Variants in RTN3 observed in about 807,000 individuals in gnomAD.
RTN3 encodes the protein reticulon-3.
In RTN3, 49 loss-of-function variants were observed where a neutral mutation model predicts 77.8. That is an observed-to-expected ratio of 0.63 (90% CI 0.50 to 0.80). The LOEUF (loss-of-function observed/expected upper bound fraction) is 0.80. RTN3 is among the 30% of genes least tolerant of loss of function. The pLI is 0.00. For missense variants in RTN3, 1,236 were observed against 1,211.9 expected (o/e 1.02, Z -0.29); for synonymous variants, 464 against 446.9 (o/e 1.04, Z -0.48).
At chr11:63,728,896 AAAAAAAG>A (rs1203276442) in intron 3 of RTN3, among the ~76,000 whole-genome samples, 6 of 148,344 alleles carry the variant, frequency 4.0e-5, no homozygotes, top group Non-Finnish European at 6.0e-5. Flanking sequence ...CAAAAAAAAA[AAAAAAAG>A]AAAAAAGAAA....
rs2011617456 is a variant in RTN3, at chr11:63,719,706, A to G, written c.1204A>G (p.Thr402Ala). Residue 402 changes from threonine (T) to alanine (A), a missense_variant, in exon 3 of 9, where the codon ACA (threonine) becomes GCA (alanine). Around this residue, in one of 3 missense-constraint regions of RTN3, gnomAD observed 1,056 missense variants for 990.4 expected, o/e 1.07. Coordinates refer to ENST00000377819, the MANE Select transcript of RTN3 (RefSeq NM_001265589.2). ...TGGGAGCACTCCCATCACTAAATCA[A>G]CAGGTGATTGGGCAGAAGCATCTCT... ...IDGSTPITKS[T>A]GDWAEASLQQ... 5 of 1,614,032 alleles carry G rather than the reference A, an allele frequency of 3.1e-6. No individual in the cohort carries two copies. Among genetic ancestry groups the G allele is most frequent in the East Asian group, 2.2e-5 (1 of 44,898 alleles).
Position 63,718,698 on chromosome 11 carries a change from A to G in RTN3, c.200-4A>G. The G allele has an allele frequency of 1.8e-5, 28 of 1,556,908 alleles. No individual in the cohort carries two copies. The highest frequency in any genetic ancestry group is 2.3e-5 in the Non-Finnish European group (27 of 1,157,446). On this transcript the variant is annotated splice_region_variant and splice_polypyrimidine_tract_variant and intron_variant, in intron 2 of 8. Coordinates refer to ENST00000377819, the MANE Select transcript of RTN3 (RefSeq NM_001265589.2). ...AATTTTTTTCTTTGAAATTCTGATC[A>G]TAGAGGGATTGAGCTCTCTTTGCTC...
chr11:63,715,745 T>A (rs1027927740), intron 2 of RTN3, among the ~76,000 whole-genome samples: 1 of 152,202 alleles, frequency 6.6e-6, no homozygotes, highest in Admixed American at 6.5e-5. Context: ...TCAGAGTTGT[T>A]TGAAGAGAGA....
At chr11:63,743,947 T>G (rs1270949848) in intron 3 of RTN3, among the ~76,000 whole-genome samples, 1 of 149,830 alleles carries the variant, frequency 6.7e-6, no homozygotes, top group Non-Finnish European at 1.5e-5. Context: ...TGAAGGAAGA[T>G]AAAGGTGGGA....
At chr11:63,682,090 G>A (rs1201202081) in intron 1 of RTN3, among the ~76,000 whole-genome samples, 1 of 152,250 alleles carries the variant, frequency 6.6e-6, no homozygotes, top group East Asian at 1.9e-4. Flanking sequence ...GTTGCTCGAT[G>A]CATATGGTGA....
intron 1 of RTN3, among the ~76,000 whole-genome samples, chr11:63,686,525 ATTG>A (rs937928977): frequency 4.7e-5 from 7 of 148,188 alleles, no homozygotes; most frequent in Non-Finnish European, 1.0e-4. Context: ...ACTGCTTTTT[ATTG>A]TTGTTATGAA....
intron 1 of RTN3, among the ~76,000 whole-genome samples, chr11:63,687,607 C>CT (rs770089372): frequency 1.4e-5 from 2 of 145,388 alleles, no homozygotes; most frequent in Non-Finnish European, 3.0e-5. Flanking sequence ...GAGACTCCAT[C>CT]TAAAAAAAAA....
Position 63,718,721 on chromosome 11 carries a change from C to T in RTN3, c.219C>T (p.Cys73=), listed in dbSNP as rs2134819240. Residue 73 remains cysteine (C), a synonymous_variant, in exon 3 of 9, where the codon TGC becomes TGT. Coordinates refer to ENST00000377819, the MANE Select transcript of RTN3 (RefSeq NM_001265589.2). ...STSQEGLSSL[C]SDEPSSEIMT... ...TCATAGAGGGATTGAGCTCTCTTTGCTCTGATGAGCCATCTTCAGAAATTA... is the reference window on the plus strand; with the variant it reads ...TCATAGAGGGATTGAGCTCTCTTTGTTCTGATGAGCCATCTTCAGAAATTA... The T allele has an allele frequency of 1.3e-6, 2 of 1,589,802 alleles. No homozygotes were observed. Among genetic ancestry groups the T allele is most frequent in the Non-Finnish European group, 1.7e-6 (2 of 1,172,462 alleles).
At chr11:63,698,364 C>T (rs2134690202) in intron 1 of RTN3, among the ~76,000 whole-genome samples, 1 of 152,030 alleles carries the variant, frequency 6.6e-6, no homozygotes, top group South Asian at 2.1e-4. Flanking sequence ...GAGGTCAAGC[C>T]ATCCACCTGC....
rs1398807772 is a variant in RTN3, at chr11:63,720,896, G to C, written c.2394G>C (p.Lys798Asn). The C allele has an allele frequency of 6.2e-7, 1 of 1,614,088 alleles. No individual in the cohort carries two copies. The change falls in exon 3 of 9, where the codon AAG (lysine) becomes AAC (asparagine). Residue 798 changes from lysine (K) to asparagine (N), a missense_variant. By Grantham distance (94) the Lys-to-Asn change is moderately conservative (BLOSUM62 0). This residue lies in a region of RTN3 where 1,056 missense variants were observed against 990.4 expected (regional missense o/e 1.07). Coordinates refer to ENST00000377819, the MANE Select transcript of RTN3 (RefSeq NM_001265589.2). ...ATGACATCCTAGAACGTAATGTCAA[G>C]AATGGATCTGATCTTGGGATTTCCC... ...RSYDILERNV[K>N]NGSDLGISQK...
intron 1 of RTN3, among the ~76,000 whole-genome samples, chr11:63,683,949 T>C (rs1233125750): frequency 8.4e-6 from 1 of 118,468 alleles, no homozygotes; most frequent in East Asian, 2.2e-4. Context: ...CTTTCTTTTT[T>C]TTTTTTTTTT....
chr11:63,716,685 G>T (rs2011415196), intron 2 of RTN3, among the ~76,000 whole-genome samples: 1 of 152,196 alleles, frequency 6.6e-6, no homozygotes, highest in Admixed American at 6.5e-5. Flanking sequence ...TAAAAATCAG[G>T]CCAGGCGCGG....
chr11:63,725,745 C>CGGTGG (rs2012215591), intron 3 of RTN3, among the ~76,000 whole-genome samples: 1 of 152,232 alleles, frequency 6.6e-6, no homozygotes. Flanking sequence ...AGCCACCGCG[C>CGGTGG]CCGGCCTTAA....
At chr11:63,697,314 A>T (rs530699055) in intron 1 of RTN3, among the ~76,000 whole-genome samples, 2,356 of 144,254 alleles carry the variant, frequency 0.016, 28 homozygotes, top group Admixed American at 0.03. Context: ...TTTTATTTTT[A>T]TTTTTTTTTG....
chr11:63,720,878 C>A lies in RTN3; in HGVS notation c.2376C>A (p.Ile792=), dbSNP rs1479140940. 1.2e-6 allele frequency: 2 copies of A among 1,614,036 alleles called. No individual in the cohort carries two copies. The highest frequency in any genetic ancestry group is 3.3e-5 in the Admixed American group (2 of 60,008). Residue 792 remains isoleucine (I), a synonymous_variant, in exon 3 of 9, where the codon ATC becomes ATA. Transcript: ENST00000377819. ...PESWPQRSYD[I]LERNVKNGSD... ...CTTGGCCACAGAGATCATATGACATCCTAGAACGTAATGTCAAGAATGGAT... is the reference window on the plus strand; with the variant it reads ...CTTGGCCACAGAGATCATATGACATACTAGAACGTAATGTCAAGAATGGAT...
intron 1 of RTN3, among the ~76,000 whole-genome samples, chr11:63,684,179 C>T (rs1444891645): frequency 2.6e-5 from 3 of 113,896 alleles, no homozygotes; most frequent in South Asian, 3.1e-4. Context: ...GACGGAGTCT[C>T]GCTTTGTCGC....
At chr11:63,695,954 C>CT (rs748748023) in intron 1 of RTN3, among the ~76,000 whole-genome samples, 1 of 152,032 alleles carries the variant, frequency 6.6e-6, no homozygotes, top group Non-Finnish European at 1.5e-5. Context: ...TTGTAATATT[C>CT]TTTTTTATTA....
intron 2 of RTN3, among the ~76,000 whole-genome samples, chr11:63,717,904 A>G (rs2011497086): frequency 6.6e-6 from 1 of 151,742 alleles, no homozygotes; most frequent in Non-Finnish European, 1.5e-5. Context: ...AATCCCAGCT[A>G]CTTGAGAGGC....
chr11:63,716,322 G>A (rs368266387), intron 2 of RTN3, among the ~76,000 whole-genome samples: 2 of 152,264 alleles, frequency 1.3e-5, no homozygotes, highest in African/African-American at 4.8e-5. Context: ...GTATTTGGAT[G>A]TTTACATGAA....
Sources: gnomAD v4.1 joint callset for allele counts (sites outside exome capture counted in the v4.1 genomes callset) on GRCh38, gnomAD v4.1.1 for gene constraint, gnomAD v4.1.1 regional missense constraint, MANE v1.5 for transcripts, NCBI Gene and HGNC (gene_info 2026-07-23, HGNC 2026-07-21) for gene names.